UNC5B: variants seen among roughly 807,000 people sequenced by gnomAD.
UNC5B encodes netrin receptor UNC5B.
Under a neutral mutation model 103.7 loss-of-function variants are expected in UNC5B, and 56 were observed. The ratio of observed to expected loss-of-function variants is 0.54; its 90% CI spans 0.44 to 0.67. UNC5B has a LOEUF of 0.67. Among genes scored for constraint, UNC5B ranks in the 30% least tolerant of loss-of-function variants. The probability of loss-of-function intolerance (pLI) is 0.00; values close to 1 mark genes in which losing one functional copy is unlikely to be tolerated. For missense variants in UNC5B, 1,194 were observed against 1,284.5 expected, an observed-to-expected ratio of 0.93 and a Z score of 1.08; for synonymous variants, 577 against 542.0, an observed-to-expected ratio of 1.06 and a Z score of -0.90.
intron 1 of UNC5B, among the ~76,000 whole-genome samples, chr10:71,217,024 G>A (rs1345509874): frequency 6.6e-6 from 1 of 152,232 alleles, no homozygotes. Context: ...GCTGGGACTT[G>A]GGGGTGGGAG....
intron 1 of UNC5B, among the ~76,000 whole-genome samples, chr10:71,237,409 G>C (rs942297150): frequency 1.3e-5 from 2 of 152,166 alleles, no homozygotes; most frequent in Non-Finnish European, 2.9e-5. Flanking sequence ...AGAGAGAGCC[G>C]TCTCACTCAG....
chr10:71,273,964 C>T (rs568503871), intron 1 of UNC5B, among the ~76,000 whole-genome samples: 1 of 152,348 alleles, frequency 6.6e-6, no homozygotes, highest in South Asian at 2.1e-4. Flanking sequence ...AAAACTGTGT[C>T]TTCTAGAGAA....
chr10:71,298,099 C>T lies in UNC5B; in HGVS notation c.2672+9C>T, dbSNP rs779678863. The T allele has an allele frequency of 5.6e-6, 9 of 1,593,684 alleles. No homozygotes were observed. Among genetic ancestry groups the T allele is most frequent in the South Asian group, 4.6e-5 (4 of 87,426 alleles). On this transcript the variant is annotated intron_variant, in intron 16 of 16. Transcript: ENST00000335350. ...AAGCTCTCTATGGACCGGTGAGTAT[C>T]CCAAACCACAGCCCATCCCCATCTG...
At chr10:71,280,852 C>T (rs1051456147) in intron 2 of UNC5B, among the ~76,000 whole-genome samples, 18 of 152,212 alleles carry the variant, frequency 1.2e-4, no homozygotes, top group Admixed American at 6.5e-4. Flanking sequence ...TGGGACCCCC[C>T]CTTCAGTCAC....
At chr10:71,237,263 C>T (rs1465823397) in intron 1 of UNC5B, among the ~76,000 whole-genome samples, 1 of 152,228 alleles carries the variant, frequency 6.6e-6, no homozygotes, top group Non-Finnish European at 1.5e-5. Context: ...AGCATGGGTT[C>T]AAATACTACC....
At chr10:71,225,559 A>G (rs898788605) in intron 1 of UNC5B, among the ~76,000 whole-genome samples, 1 of 152,168 alleles carries the variant, frequency 6.6e-6, no homozygotes, top group African/African-American at 2.4e-5. Context: ...GCTGGGTTTG[A>G]TACTGTCTGA....
At chr10:71,288,906 A>G (rs1845171057) in intron 7 of UNC5B, 52 bp from the exon 8 acceptor site, 1 of 1,601,956 alleles carries the variant, frequency 6.2e-7, no homozygotes. Flanking sequence ...CTTCTCTGCC[A>G]CCCTTTCCCT....
chr10:71,231,577 G>A (rs1268481900), intron 1 of UNC5B, among the ~76,000 whole-genome samples: 2 of 152,160 alleles, frequency 1.3e-5, no homozygotes, highest in Non-Finnish European at 2.9e-5. Flanking sequence ...ACGGTGCCCA[G>A]CACACGGTGG....
At chr10:71,219,795 T>TGTGA (rs550117933) in intron 1 of UNC5B, among the ~76,000 whole-genome samples, 1 of 152,234 alleles carries the variant, frequency 6.6e-6, no homozygotes, top group Non-Finnish European at 1.5e-5. Context: ...GCAGATGCCA[T>TGTGA]GTGAGGGTGA....
chr10:71,230,921 G>C (rs1713540553), intron 1 of UNC5B, among the ~76,000 whole-genome samples: 1 of 152,224 alleles, frequency 6.6e-6, no homozygotes, highest in African/African-American at 2.4e-5. Context: ...GCCAGGAACA[G>C]GGATTTGGGG....
At chr10:71,261,103 G>A (rs1355481127) in intron 1 of UNC5B, among the ~76,000 whole-genome samples, 1 of 152,228 alleles carries the variant, frequency 6.6e-6, no homozygotes, top group African/African-American at 2.4e-5. Context: ...GGGCTGCACC[G>A]AGGGTGGCAA....
At chr10:71,277,451 G>T (rs1487807184) in intron 1 of UNC5B, among the ~76,000 whole-genome samples, 1 of 152,250 alleles carries the variant, frequency 6.6e-6, no homozygotes. Flanking sequence ...TGGGTGGTGG[G>T]CATGGAGCCT....
At chr10:71,292,165 T>C (rs1845282211) in intron 10 of UNC5B, among the ~76,000 whole-genome samples, 1 of 152,146 alleles carries the variant, frequency 6.6e-6, no homozygotes, top group African/African-American at 2.4e-5. Flanking sequence ...CTGTTTTAGT[T>C]TGCAAAGCCA....
rs200621956 is a variant in UNC5B, at chr10:71,296,698, G to A, written c.2446G>A (p.Glu816Lys). Residue 816 changes from glutamate to lysine, a missense_variant, in exon 15 of 17, where the codon GAA (glutamate) becomes AAA (lysine). Physicochemically the swap from Glu to Lys is moderately conservative, Grantham distance 56. Coordinates refer to ENST00000335350, the MANE Select transcript of UNC5B (RefSeq NM_170744.5). ...LTCKICVRQVEGEGQIFQLHT... is the reference protein window; with the variant it reads ...LTCKICVRQVKGEGQIFQLHT... ...CTGCAAGATCTGCGTGCGGCAAGTG[G>A]AAGGGGAGGGCCAGATATTCCAGCT... 1 of 1,614,218 alleles carries A rather than the reference G, an allele frequency of 6.2e-7. No homozygotes were observed. The highest frequency in any genetic ancestry group is 8.5e-7 in the Non-Finnish European group (1 of 1,180,042).
At chr10:71,293,969 C>T (rs752867610) in intron 13 of UNC5B, 36 bp downstream of exon 13, 28 of 1,525,692 alleles carry the variant, frequency 1.8e-5, no homozygotes, top group East Asian at 4.8e-5. Context: ...CAGCCCTGGC[C>T]GGCCAGCTGC....
intron 9 of UNC5B, 85 bp downstream of exon 9, chr10:71,291,194 C>T (rs976524650): frequency 6.1e-6 from 9 of 1,484,712 alleles, no homozygotes; most frequent in South Asian, 1.3e-5. Context: ...AGCCAGGCTC[C>T]TGACTCCCTC....
chr10:71,298,485 C>T (rs1286916151), intron 16 of UNC5B, among the ~76,000 whole-genome samples: 6 of 152,120 alleles, frequency 3.9e-5, no homozygotes, highest in Non-Finnish European at 8.8e-5. Context: ...GACCAAGATA[C>T]ACTTTGGTGT....
At chr10:71,227,587 A>C (rs570629948) in intron 1 of UNC5B, among the ~76,000 whole-genome samples, 1 of 147,074 alleles carries the variant, frequency 6.8e-6, no homozygotes, top group Admixed American at 6.7e-5. Flanking sequence ...AAATAAAAAT[A>C]AATTTTGTAT....
At chr10:71,287,555 G>A (rs1363971753) in intron 5 of UNC5B, 43 bp from the exon 6 acceptor site, 1 of 1,555,350 alleles carries the variant, frequency 6.4e-7, no homozygotes, top group Non-Finnish European at 8.7e-7. Flanking sequence ...AGGGCAGAGG[G>A]TTCCAGAGCC....
Sources: allele counts gnomAD v4.1 joint callset (sites outside exome capture counted in the v4.1 genomes callset), GRCh38; gene constraint gnomAD v4.1.1; transcripts MANE v1.5; gene names NCBI Gene and HGNC (gene_info 2026-07-23, HGNC 2026-07-21).